Variants in GRIN1 observed in about 807,000 individuals in gnomAD.
GRIN1 encodes the protein glutamate ionotropic receptor NMDA type subunit 1.
In GRIN1, 38 loss-of-function variants were observed where a neutral mutation model predicts 103.0. That is an observed-to-expected ratio of 0.37 (90% CI 0.28 to 0.48). The LOEUF (loss-of-function observed/expected upper bound fraction) is 0.48. Ranked by LOEUF, GRIN1 falls within the 20% of genes least tolerant of loss-of-function variation. GRIN1 has a pLI of 0.98. For missense variants in GRIN1, 577 were observed against 1,288.9 expected, an observed-to-expected ratio of 0.45 and a Z score of 8.46; for synonymous variants, 544 against 532.7, an observed-to-expected ratio of 1.02 and a Z score of -0.29.
In GRIN1 at chr9:137,167,584, G is replaced by T; in HGVS notation, c.*57G>T. 7.0e-7 allele frequency: 1 copy of T among 1,429,358 alleles called. No individual in the cohort carries two copies. The highest frequency in any genetic ancestry group is 9.3e-7 in the Non-Finnish European group (1 of 1,073,212). The allele number at this position is 1,429,358 out of a possible 1,614,324, so 88.5% of individuals were successfully genotyped here. A position where few individuals can be genotyped will look rare whatever the true frequency, so the allele number is the denominator to read the frequency against. On this transcript the variant is annotated 3_prime_UTR_variant, in exon 20 of 20. Transcript: ENST00000371561. Reference sequence around the variant, plus strand: ...CCCGCAGACAGACAGACAGACGGACGGGACAGCGGCCCGGCCCACGCAGAG... The same window carrying T: ...CCCGCAGACAGACAGACAGACGGACTGGACAGCGGCCCGGCCCACGCAGAG...
At position 137,168,239 on chromosome 9, in the gene GRIN1, C is replaced by G. The variant is rs1372368811; in HGVS notation, c.*712C>G. 1 of 294,860 alleles carries G rather than the reference C, an allele frequency of 3.4e-6. No homozygotes were observed. The highest frequency in any genetic ancestry group is 3.7e-5 in the South Asian group (1 of 26,712). 18.3% of individuals were successfully genotyped at this position (294,860 alleles called of 1,614,324 possible). A position where few individuals can be genotyped will look rare whatever the true frequency, so the allele number is the denominator to read the frequency against. On this transcript the variant is annotated 3_prime_UTR_variant, in exon 20 of 20. Coordinates refer to ENST00000371561, the MANE Select transcript of GRIN1 (RefSeq NM_007327.4). ...GCCCCAGCTGGCTGGGTCGCCCCTC[C>G]TCGGGCGCCTGCGCTCCTCTGCAGC... is the stretch of plus-strand genomic sequence containing the variant.
intron 3 of GRIN1, 143 bp from the exon 4 acceptor site, chr9:137,148,866 C>A: frequency 1.4e-6 from 1 of 695,716 alleles, no homozygotes; most frequent in Non-Finnish European, 2.6e-6. Flanking sequence ...GGAAGGCAGG[C>A]GGAGGCGCAG....
intron 4 of GRIN1, among the ~76,000 whole-genome samples, chr9:137,156,380 C>G (rs879735830): frequency 1.7e-4 from 16 of 96,158 alleles, no homozygotes; most frequent in Admixed American, 4.1e-4. Context: ...CTAACCCCAC[C>G]CCTGCTCCCC....
chr9:137,148,344 G>A (rs1832663566), intron 3 of GRIN1: 3 of 648,350 alleles, frequency 4.6e-6, no homozygotes, highest in South Asian at 3.6e-5. Flanking sequence ...GCAGCCGGCA[G>A]CAGGCAGGAG....
rs1039960080 is a variant in GRIN1 at position 137,168,545 on chromosome 9, G to C, written c.*1018G>C. The C allele has an allele frequency of 1.6e-5, 4 of 253,496 alleles. No homozygotes were observed. The highest frequency in any genetic ancestry group is 3.0e-5 in the Non-Finnish European group (4 of 134,752). 15.7% of individuals were successfully genotyped at this position (253,496 alleles called of 1,614,324 possible). A position where few individuals can be genotyped will look rare whatever the true frequency, so the allele number is the denominator to read the frequency against. ...TGCCCTGCACCTTGGGCACGGGAGA[G>C]CGCCACCCGCCCGCCCCCGCCCTCG... On this transcript the variant is annotated 3_prime_UTR_variant, in exon 20 of 20. Transcript: ENST00000371561.
At position 137,142,220 on chromosome 9, in the gene GRIN1, G is replaced by A. The variant is rs374631746; in HGVS notation, c.393+73G>A. The A allele has an allele frequency of 1.9e-4, 290 of 1,506,532 alleles. 2 individuals carry two copies. In the South Asian group the frequency reaches 2.3e-3, roughly 12 times the overall value. The allele number at this position is 1,506,532 out of a possible 1,614,324, so 93.3% of individuals were successfully genotyped here. A position where few individuals can be genotyped will look rare whatever the true frequency, so the allele number is the denominator to read the frequency against. ...ACAGCCTGGCCACTCCAGGAGCAGCGGGCCGACCCGCTCACATGGAACTCA... is the reference window on the plus strand; with the variant it reads ...ACAGCCTGGCCACTCCAGGAGCAGCAGGCCGACCCGCTCACATGGAACTCA... On this transcript the variant is annotated intron_variant, in intron 2 of 19. Transcript: ENST00000371561.
chr9:137,164,884 T>C (rs1278973545), intron 18 of GRIN1: 1 of 424,606 alleles, frequency 2.4e-6, no homozygotes, highest in African/African-American at 2.0e-5. Flanking sequence ...CTCCTCCTCC[T>C]CGGGACGCCT....
intron 3 of GRIN1, among the ~76,000 whole-genome samples, chr9:137,147,755 C>A (rs1006417072): frequency 2.0e-5 from 3 of 152,240 alleles, no homozygotes; most frequent in African/African-American, 7.2e-5. Flanking sequence ...TGGGGACAGG[C>A]CCCGGGGGGG....
At chr9:137,155,460 G>C (rs1201917889) in intron 4 of GRIN1, among the ~76,000 whole-genome samples, 4 of 152,246 alleles carry the variant, frequency 2.6e-5, no homozygotes, top group Non-Finnish European at 5.9e-5. Context: ...GCATTTCTTT[G>C]TGGGCTTATT....
chr9:137,159,523 G>A (rs537820761), intron 8 of GRIN1, among the ~76,000 whole-genome samples: 6 of 152,302 alleles, frequency 3.9e-5, no homozygotes, highest in African/African-American at 1.4e-4. Flanking sequence ...TCTGCAGACA[G>A]GGTGGGGTTT....
intron 2 of GRIN1, among the ~76,000 whole-genome samples, chr9:137,142,707 G>A (rs888802878): frequency 3.3e-5 from 5 of 152,224 alleles, no homozygotes; most frequent in Non-Finnish European, 4.4e-5. Context: ...GCTGGGGGTT[G>A]CTCCAGGAGG....
intron 2 of GRIN1, 62 bp downstream of exon 2, chr9:137,142,209 C>G: frequency 2.5e-6 from 4 of 1,582,486 alleles, no homozygotes; most frequent in Non-Finnish European, 3.5e-6. Flanking sequence ...CCTGGCCACT[C>G]CAGGAGCAGC....
intron 3 of GRIN1, chr9:137,148,028 C>A: frequency 1.6e-6 from 1 of 640,546 alleles, no homozygotes; most frequent in South Asian, 2.0e-5. Flanking sequence ...TTTGCGAGCT[C>A]CAGGTAGGAG....
Position 137,142,010 on chromosome 9 carries a change from C to T in GRIN1, c.259-3C>T. 6.2e-7 allele frequency: 1 copy of T among 1,614,158 alleles called. No homozygotes were observed. The highest frequency in any genetic ancestry group is 1.3e-5 in the African/African-American group (1 of 75,062). ...AAGCTGATCATGTCTCCTGTGTCCA[C>T]AGGTCTACGCCATCCTAGTTAGCCA... On this transcript the variant is annotated splice_polypyrimidine_tract_variant and splice_region_variant and intron_variant, in intron 1 of 19. Coordinates refer to ENST00000371561, the MANE Select transcript of GRIN1 (RefSeq NM_007327.4).
At chr9:137,144,609 T>C (rs563355336) in intron 2 of GRIN1, among the ~76,000 whole-genome samples, 30 of 143,876 alleles carry the variant, frequency 2.1e-4, no homozygotes, top group South Asian at 1.6e-3. Flanking sequence ...GAGCCGAGAT[T>C]GCACTCCAGC....
chr9:137,165,540 C>G, intron 19 of GRIN1: 1 of 552,238 alleles, frequency 1.8e-6, no homozygotes, highest in Non-Finnish European at 3.3e-6. Flanking sequence ...CCGCCCACCT[C>G]CCCTGCCATG....
chr9:137,143,314 C>T (rs1253199368), intron 2 of GRIN1, among the ~76,000 whole-genome samples: 4 of 152,274 alleles, frequency 2.6e-5, no homozygotes, highest in African/African-American at 9.6e-5. Context: ...GAGGCTGGAA[C>T]AGCCACCTTC....
At chr9:137,142,986 C>T (rs1353437880) in intron 2 of GRIN1, among the ~76,000 whole-genome samples, 2 of 152,234 alleles carry the variant, frequency 1.3e-5, no homozygotes, top group Non-Finnish European at 2.9e-5. Flanking sequence ...GCCAGAGAGC[C>T]ATGGGGGCTT....
chr9:137,157,057 A>C lies in GRIN1; in HGVS notation c.968+20A>C. 1 of 1,146,844 alleles carries C rather than the reference A, an allele frequency of 8.7e-7. No individual in the cohort carries two copies. Among genetic ancestry groups the C allele is most frequent in the Non-Finnish European group, 1.1e-6 (1 of 886,934 alleles). 71.0% of individuals were successfully genotyped at this position (1,146,844 alleles called of 1,614,324 possible). On this transcript the variant is annotated intron_variant, in intron 6 of 19. Transcript: ENST00000371561. ...CAAGAGGTGGGCGGGGCCTCCCCGGAGCTGGGCGGGGCTGCTCTTGGGGAG... is the reference window on the plus strand; with the variant it reads ...CAAGAGGTGGGCGGGGCCTCCCCGGCGCTGGGCGGGGCTGCTCTTGGGGAG...
Sources: gnomAD v4.1 joint callset for allele counts (sites outside exome capture counted in the v4.1 genomes callset) on GRCh38, gnomAD v4.1.1 for gene constraint, MANE v1.5 for transcripts, NCBI Gene and HGNC (gene_info 2026-07-23, HGNC 2026-07-21) for gene names.